The following LOC128092253 variants were observed in gnomAD, a reference collection of about 807,000 sequenced individuals.
At chr6:133,971,434 G>T in the LOC128092253 span, among the ~76,000 whole-genome samples, 15 of 152,294 alleles carry the variant, frequency 9.8e-5, no homozygotes, top group African/African-American at 3.1e-4. Context: ...GTATTCAGCA[G>T]TGGGATTGCT....
chr6:133,956,821 C>T, the LOC128092253 span, among the ~76,000 whole-genome samples: 1 of 152,168 alleles, frequency 6.6e-6, no homozygotes, highest in African/African-American at 2.4e-5. Context: ...TGGTGGACTG[C>T]CTTCACTTGA....
the LOC128092253 span, among the ~76,000 whole-genome samples, chr6:133,975,471 A>T: frequency 6.6e-6 from 1 of 152,214 alleles, no homozygotes; most frequent in African/African-American, 2.4e-5. Context: ...ACAGTTCCAG[A>T]TAATCTTCAG....
chr6:133,956,262 T>A, the LOC128092253 span, among the ~76,000 whole-genome samples: 1 of 152,228 alleles, frequency 6.6e-6, no homozygotes, highest in African/African-American at 2.4e-5. Flanking sequence ...AAATTTTAGC[T>A]GTATTGTGAC....
the LOC128092253 span, among the ~76,000 whole-genome samples, chr6:133,954,999 G>A: frequency 3.9e-5 from 6 of 152,242 alleles, no homozygotes; most frequent in South Asian, 1.2e-3. Flanking sequence ...TGGACAGGAT[G>A]CAAAGTGTGA....
chr6:133,962,928 G>A, the LOC128092253 span, among the ~76,000 whole-genome samples: 2 of 152,186 alleles, frequency 1.3e-5, no homozygotes, highest in African/African-American at 4.8e-5. Flanking sequence ...ATGAGATGGG[G>A]AGAGAATTCA....
chr6:133,973,127 G>T, the LOC128092253 span, among the ~76,000 whole-genome samples: 3 of 152,210 alleles, frequency 2.0e-5, no homozygotes, highest in Admixed American at 6.5e-5. Flanking sequence ...TTGGGATTGG[G>T]ACACAAAATG....
chr6:133,963,787 T>G, the LOC128092253 span, among the ~76,000 whole-genome samples: 2 of 151,636 alleles, frequency 1.3e-5, no homozygotes, highest in East Asian at 4.0e-4. Context: ...TCCCAGCACT[T>G]TGGGAGGCTG....
the LOC128092253 span, among the ~76,000 whole-genome samples, chr6:133,977,974 T>G: frequency 2.0e-5 from 3 of 152,354 alleles, no homozygotes; most frequent in African/African-American, 7.2e-5. Context: ...CATAACCATT[T>G]TATTTTATGT....
At chr6:133,978,767 A>T in the LOC128092253 span, among the ~76,000 whole-genome samples, 31 of 152,208 alleles carry the variant, frequency 2.0e-4, no homozygotes, top group African/African-American at 6.5e-4. Flanking sequence ...TCTATCAGAA[A>T]CTTAAAGGCA....
chr6:133,972,895 T>C, the LOC128092253 span, among the ~76,000 whole-genome samples: 12 of 152,180 alleles, frequency 7.9e-5, no homozygotes, highest in African/African-American at 2.7e-4. Flanking sequence ...GTACAGGTGG[T>C]ATTATCACCA....
chr6:133,975,790 A>G, the LOC128092253 span, among the ~76,000 whole-genome samples: 2 of 152,208 alleles, frequency 1.3e-5, no homozygotes, highest in Non-Finnish European at 2.9e-5. Flanking sequence ...CTGGAGGGAA[A>G]GGTGAGGAGG....
chr6:133,968,175 G>T, the LOC128092253 span, among the ~76,000 whole-genome samples: 1 of 152,034 alleles, frequency 6.6e-6, no homozygotes, highest in Non-Finnish European at 1.5e-5. Flanking sequence ...TTTTAGTAGG[G>T]ACGGGGTTTC....
At chr6:133,962,395 T>C in the LOC128092253 span, among the ~76,000 whole-genome samples, 1 of 152,304 alleles carries the variant, frequency 6.6e-6, no homozygotes, top group South Asian at 2.1e-4. Flanking sequence ...AATAAAACGT[T>C]GCTTTGGATG....
At chr6:133,971,783 T>A in the LOC128092253 span, among the ~76,000 whole-genome samples, 2 of 152,192 alleles carry the variant, frequency 1.3e-5, no homozygotes, top group African/African-American at 4.8e-5. Context: ...ATCAGATTAT[T>A]TCTTTTGCTG....
the LOC128092253 span, among the ~76,000 whole-genome samples, chr6:133,960,230 T>C: frequency 6.6e-6 from 1 of 152,190 alleles, no homozygotes; most frequent in African/African-American, 2.4e-5. Flanking sequence ...AATGACTAAT[T>C]CATTAGACCT....
the LOC128092253 span, among the ~76,000 whole-genome samples, chr6:133,959,227 G>A: frequency 6.6e-6 from 1 of 152,006 alleles, no homozygotes; most frequent in Non-Finnish European, 1.5e-5. Flanking sequence ...TTTAGTAGAT[G>A]CAGGGTTTCC....
At chr6:133,955,871 A>G in the LOC128092253 span, among the ~76,000 whole-genome samples, 2 of 152,260 alleles carry the variant, frequency 1.3e-5, no homozygotes, top group Non-Finnish European at 2.9e-5. Flanking sequence ...TAATTTCCCC[A>G]AGTTATTCTT....
At chr6:133,957,796 A>G in the LOC128092253 span, among the ~76,000 whole-genome samples, 2 of 152,232 alleles carry the variant, frequency 1.3e-5, no homozygotes, top group Non-Finnish European at 1.5e-5. Context: ...ACTACGTTAC[A>G]GGGTTGCTGT....
chr6:133,956,712 T>C, the LOC128092253 span, among the ~76,000 whole-genome samples: 3 of 152,336 alleles, frequency 2.0e-5, no homozygotes, highest in South Asian at 6.2e-4. Flanking sequence ...ATGCCTAAAA[T>C]TTCAACTTTG....
Sources: gnomAD v4.1 joint callset for allele counts (sites outside exome capture counted in the v4.1 genomes callset) on GRCh38, gnomAD v4.1.1 for gene constraint, MANE v1.5 for transcripts.